CATSPERG: variants seen among roughly 807,000 people sequenced by gnomAD.
CATSPERG encodes the protein catsper channel auxiliary subunit gamma, also known as cation channel sperm-associated auxiliary subunit gamma.
In CATSPERG, 115 loss-of-function variants were observed where a neutral mutation model predicts 145.0. The observed-to-expected ratio is 0.79, with a 90% CI of 0.68 to 0.93. The LOEUF is 0.93. Among genes scored for constraint, CATSPERG ranks in the 40% least tolerant of loss-of-function variants. The pLI is 0.00. For synonymous variants in CATSPERG, 588 were observed against 589.0 expected (o/e 1.00, Z 0.02); for missense variants, 1,296 against 1,490.1 (o/e 0.87, Z 2.14).
At chr19:38,337,178 G>A in intron 1 of CATSPERG, 43 bp from the exon 2 acceptor site, 1 of 1,539,232 alleles carries the variant, frequency 6.5e-7, no homozygotes, top group African/African-American at 1.4e-5. Context: ...GTGGGCTCCA[G>A]AGAGCTGTCC....
At position 38,337,514 on chromosome 19, in the gene CATSPERG, C is replaced by G; in HGVS notation, c.270+10C>G. 1 of 1,551,986 alleles carries G rather than the reference C, an allele frequency of 6.4e-7. No individual in the cohort carries two copies. The highest frequency in any genetic ancestry group is 8.7e-7 in the Non-Finnish European group (1 of 1,147,064). On this transcript the variant is annotated intron_variant, in intron 2 of 28. Transcript: ENST00000409235. Reference sequence around the variant, plus strand: ...CATCGACCCGAGCGAGGTGAGGGGACCAGGGTCAAGTGAACCAGAGGGATT... The same window carrying G: ...CATCGACCCGAGCGAGGTGAGGGGAGCAGGGTCAAGTGAACCAGAGGGATT...
intron 13 of CATSPERG, among the ~76,000 whole-genome samples, chr19:38,358,846 T>C (rs1970294484): frequency 6.6e-6 from 1 of 151,484 alleles, no homozygotes; most frequent in Non-Finnish European, 1.5e-5. Context: ...CTAGGGTTTT[T>C]TTTTGTTTTT....
chr19:38,367,699 G>A lies in CATSPERG; in HGVS notation c.2853G>A (p.Val951=), dbSNP rs1426459309. 2.5e-6 allele frequency: 4 copies of A among 1,614,020 alleles called. No homozygotes were observed. Among genetic ancestry groups the A allele is most frequent in the East Asian group, 4.5e-5 (2 of 44,896 alleles). ...CTGGTAGCTATGTTCTGCTGGTGGT[G>A]GGTGGCGGGCCCACACTGGACAGCC... is the stretch of plus-strand genomic sequence containing the variant. ...SFQGSYVLLV[V]GGGPTLDSLK... The change falls in exon 25 of 29, where the codon GTG becomes GTA. Residue 951 remains valine, a synonymous_variant. Transcript: ENST00000409235.
chr19:38,365,394 C>G, intron 22 of CATSPERG: 1 of 379,780 alleles, frequency 2.6e-6, no homozygotes, highest in Non-Finnish European at 4.9e-6. Flanking sequence ...CCTCAGCCTC[C>G]CAAGTAGCTG....
In CATSPERG at chr19:38,358,333, G is replaced by A. The variant is rs751727297; in HGVS notation, c.1366+5G>A. ...TCCCAGAATTCATCCCTGAAGGTAG[G>A]AAGGGAAGGCAGACGTGGCCTCAGG... On this transcript the variant is annotated splice_donor_5th_base_variant and intron_variant, in intron 12 of 28. Coordinates refer to ENST00000409235, the MANE Select transcript of CATSPERG (RefSeq NM_021185.5). 1.1e-5 allele frequency: 18 copies of A among 1,614,082 alleles called. No individual in the cohort carries two copies. The highest frequency in any genetic ancestry group is 6.7e-5 in the East Asian group (3 of 44,894).
chr19:38,336,241 G>C, intron 1 of CATSPERG: 1 of 456,610 alleles, frequency 2.2e-6, no homozygotes, highest in Non-Finnish European at 4.4e-6. Context: ...TGCCGGCGTG[G>C]AAGGAGAAGG....
In CATSPERG at chr19:38,368,072, G is replaced by GAGGACCACA. The variant is rs779281180; in HGVS notation, c.2964_2972dup (p.Arg989_Thr991dup). The GAGGACCACA allele has an allele frequency of 7.7e-5, 124 of 1,613,986 alleles. 1 individual carries two copies. Among genetic ancestry groups the GAGGACCACA allele is most frequent in the Non-Finnish European group, 4.7e-5 (56 of 1,180,030 alleles). ...GGACCAACAGCCTTATCTGGACCAC[G>GAGGACCACA]AGGACCACAAGGACCACCAAAGACT... On this transcript the variant is annotated inframe_insertion, in exon 26 of 29. Coordinates refer to ENST00000409235, the MANE Select transcript of CATSPERG (RefSeq NM_021185.5).
In CATSPERG at chr19:38,367,648, A is replaced by T. The variant is rs373650021; in HGVS notation, c.2835-33A>T. ...GATGGGTGCAGGACTCGAGACCCGG[A>T]GGCCAGTCTGTGTGCACTTCTGTCC... On this transcript the variant is annotated intron_variant, in intron 24 of 28. Coordinates refer to ENST00000409235, the MANE Select transcript of CATSPERG (RefSeq NM_021185.5). 8.1e-6 allele frequency: 13 copies of T among 1,612,452 alleles called. No individual in the cohort carries two copies. In the African/African-American group the frequency reaches 1.7e-4, roughly 22 times the overall value.
intron 4 of CATSPERG, 104 bp downstream of exon 4, chr19:38,343,828 AG>A: frequency 7.1e-7 from 1 of 1,414,050 alleles, no homozygotes; most frequent in Admixed American, 2.2e-5. Context: ...GGGGGGCGGG[AG>A]CTCAGCACAT....
chr19:38,344,409 C>A, intron 6 of CATSPERG, 41 bp downstream of exon 6: 1 of 1,511,456 alleles, frequency 6.6e-7, no homozygotes, highest in South Asian at 1.2e-5. Context: ...TGGTCTGGGC[C>A]TTAGGCTGAC....
rs778812082 is a variant in CATSPERG, at chr19:38,359,598, CT to C, written c.1608+18del. On this transcript the variant is annotated intron_variant, in intron 14 of 28. Coordinates refer to ENST00000409235, the MANE Select transcript of CATSPERG (RefSeq NM_021185.5). ...ACGGAGGAGGTGGGCTGCCCCGCCC[CT>C]CTCCCCGTTCCCTCTCTGCCCACCC... 1.1e-5 allele frequency: 18 copies of C among 1,605,204 alleles called. No homozygotes were observed. The highest frequency in any genetic ancestry group is 8.0e-5 in the African/African-American group (6 of 74,744).
intron 1 of CATSPERG, chr19:38,336,782 C>A: frequency 3.5e-6 from 1 of 288,352 alleles, no homozygotes; most frequent in Admixed American, 4.9e-5. Context: ...GAGTGGAATA[C>A]AGGGAGGGGG....
chr19:38,361,883 G>A lies in CATSPERG; in HGVS notation c.2094+22G>A, dbSNP rs560189201. 55 of 1,585,928 alleles carry A rather than the reference G, an allele frequency of 3.5e-5. 1 individual carries two copies. In the African/African-American group the frequency reaches 7.3e-4, roughly 21 times the overall value. ...CAAGGTGGGCGTCCGGCGGCGGGCGGGCAGGCCTGAGACGGGACTGGGGCA... is the reference window on the plus strand; with the variant it reads ...CAAGGTGGGCGTCCGGCGGCGGGCGAGCAGGCCTGAGACGGGACTGGGGCA... On this transcript the variant is annotated intron_variant, in intron 17 of 28. Coordinates refer to ENST00000409235, the MANE Select transcript of CATSPERG (RefSeq NM_021185.5).
intron 9 of CATSPERG, 98 bp from the exon 10 acceptor site, chr19:38,356,386 A>G: frequency 1.0e-6 from 1 of 992,316 alleles, no homozygotes; most frequent in Non-Finnish European, 1.6e-6. Flanking sequence ...CCAAGGACGG[A>G]GGGGCTGGTG....
At chr19:38,343,465 G>A in intron 3 of CATSPERG, 115 bp from the exon 4 acceptor site, 2 of 919,744 alleles carry the variant, frequency 2.2e-6, no homozygotes, top group East Asian at 2.7e-5. Flanking sequence ...ATCACATGGT[G>A]GACAGTGTGC....
chr19:38,361,654 C>G lies in CATSPERG; in HGVS notation c.1887C>G (p.Tyr629Ter). The G allele has an allele frequency of 6.2e-7, 1 of 1,609,820 alleles. No homozygotes were observed. Among genetic ancestry groups the G allele is most frequent in the East Asian group, 2.2e-5 (1 of 44,810 alleles). The change falls in exon 17 of 29, where the codon TAC becomes TAG. Residue 629 changes from tyrosine (Y) to a stop codon, truncating the protein, a stop_gained. Transcript: ENST00000409235. LOFTEE classifies it high-confidence loss of function. ...CCCCCTTGCCACTGCCCAGGGGCTA[C>G]TTGATGCTCTCCTTCATCGACTTCT... ...SHYDLERKGG[Y>*]LMLSFIDFCP...
At chr19:38,368,191 C>A in intron 26 of CATSPERG, 54 bp downstream of exon 26, 1 of 1,483,528 alleles carries the variant, frequency 6.7e-7, no homozygotes, top group Non-Finnish European at 9.4e-7. Flanking sequence ...GTCCATTGGG[C>A]CCACCTATCC....
At chr19:38,343,896 G>T in intron 4 of CATSPERG, 97 bp from the exon 5 acceptor site, 1 of 1,476,990 alleles carries the variant, frequency 6.8e-7, no homozygotes, top group Non-Finnish European at 9.1e-7. Flanking sequence ...CGTGGAGGCA[G>T]GTATGGGGAG....
At chr19:38,370,394 A>C in intron 28 of CATSPERG, 132 bp from the exon 29 acceptor site, 1 of 1,415,598 alleles carries the variant, frequency 7.1e-7, no homozygotes, top group East Asian at 2.3e-5. Context: ...GCCATGCCAC[A>C]GGCTGTCTAC....
Sources: allele counts gnomAD v4.1 joint callset (sites outside exome capture counted in the v4.1 genomes callset), GRCh38; gene constraint gnomAD v4.1.1; transcripts MANE v1.5; gene names NCBI Gene and HGNC (gene_info 2026-07-23, HGNC 2026-07-21).